ZNF19: variants seen among roughly 807,000 people sequenced by gnomAD.
ZNF19 encodes zinc finger protein 19, also known as zinc finger protein 19 (KOX 12).
Under a neutral mutation model 13.1 loss-of-function variants are expected in ZNF19, and 11 were observed. The ratio of observed to expected loss-of-function variants is 0.84; its 90% CI spans 0.53 to 1.39. The LOEUF (loss-of-function observed/expected upper bound fraction) is 1.39. ZNF19 is among the 40% of genes most tolerant of loss of function. ZNF19 has a pLI of 0.00. For synonymous variants in ZNF19, 186 were observed against 187.0 expected (o/e 0.99, Z 0.04); for missense variants, 560 against 547.0 (o/e 1.02, Z -0.24).
At position 71,475,635 on chromosome 16, in the gene ZNF19, A is replaced by C; in HGVS notation, c.912T>G (p.Asn304Lys). Reference sequence around the variant, plus strand: ...TCCTTCCAAAGCTTTTGCCACACTCATTACACTCATAGGGTTTCTCTCCAG... The same window carrying C: ...TCCTTCCAAAGCTTTTGCCACACTCCTTACACTCATAGGGTTTCTCTCCAG... The part of the protein sequence containing the change: ...IHTGEKPYEC[N>K]ECGKSFGRTS... Residue 304 changes from asparagine (N) to lysine (K), a missense_variant, in exon 6 of 6, where the codon AAT becomes AAG. By Grantham distance (94) the Asn-to-Lys change is moderately conservative (BLOSUM62 0). Transcript: ENST00000288177. 1.2e-6 allele frequency: 2 copies of C among 1,613,966 alleles called. No individual in the cohort carries two copies. The highest frequency in any genetic ancestry group is 1.7e-6 in the Non-Finnish European group (2 of 1,179,988).
At chr16:71,482,216 G>T (rs2043641579) in intron 2 of ZNF19, 73 bp from the exon 3 acceptor site, 7 of 1,459,302 alleles carry the variant, frequency 4.8e-6, no homozygotes. Context: ...CAATAAATTT[G>T]CCAATAGCAA....
In ZNF19 at chr16:71,475,435, TG is replaced by T. The variant is rs1410082839; in HGVS notation, c.1111del (p.Gln371AsnfsTer2). 3 of 1,614,206 alleles carry T rather than the reference TG, an allele frequency of 1.9e-6. No homozygotes were observed. Among genetic ancestry groups the T allele is most frequent in the Admixed American group, 3.3e-5 (2 of 60,022 alleles). ...ATGAATTCTCAGATGCCTTTTTAAT[TG>T]TTCCTGAGCACTGAAGGCTTTTCCA... ...DCGKAFSAQE[Q>X]LKRHLRIHTQ... is the part of the protein sequence containing the mutation. On this transcript the variant is annotated frameshift_variant, in exon 6 of 6. Coordinates refer to ENST00000288177, the MANE Select transcript of ZNF19 (RefSeq NM_006961.4). LOFTEE classifies it low-confidence loss of function (END_TRUNC).
rs1188628155 is a variant in ZNF19, at chr16:71,478,340, C to T, written c.162G>A (p.Gly54=). Residue 54 remains glycine, a splice_region_variant and synonymous_variant, in exon 5 of 6, where the codon GGG becomes GGA. Transcript: ENST00000288177. ...TCAGTGCAGGTTTGGGAACTGGGTA[C>T]CCTGAAAACAGGAAGAAAATGGTAC... ...LENFGNLTAL[G]YPVPKPALIS... The T allele has an allele frequency of 6.2e-7, 1 of 1,610,310 alleles. No homozygotes were observed. Among genetic ancestry groups the T allele is most frequent in the Non-Finnish European group, 8.5e-7 (1 of 1,177,066 alleles).
At position 71,475,739 on chromosome 16, in the gene ZNF19, C is replaced by G. The variant is rs2043597112; in HGVS notation, c.808G>C (p.Glu270Gln). 1 of 1,613,924 alleles carries G rather than the reference C, an allele frequency of 6.2e-7. No individual in the cohort carries two copies. The highest frequency in any genetic ancestry group is 1.7e-5 in the Admixed American group (1 of 60,004). The part of the protein sequence containing the change: ...FVIHQRIHTG[E>Q]KPYECNECGK... ...CACTCATTACACTCATAGGGTTTCT[C>G]CCCAGTGTGGATTCTCTGATGTATA... The change falls in exon 6 of 6, where the codon GAG (glutamate) becomes CAG (glutamine). Residue 270 changes from glutamate to glutamine, a missense_variant. Transcript: ENST00000288177.
At chr16:71,488,497 T>C (rs1482312271) in intron 1 of ZNF19, among the ~76,000 whole-genome samples, 4 of 151,432 alleles carry the variant, frequency 2.6e-5, no homozygotes, top group African/African-American at 9.7e-5. Context: ...AACAAGCTCC[T>C]AAAATTAAAA....
chr16:71,478,820 A>T, intron 4 of ZNF19, 59 bp downstream of exon 4: 3 of 1,589,378 alleles, frequency 1.9e-6, no homozygotes, highest in Middle Eastern at 3.4e-4. Context: ...CCAGGCTGTA[A>T]AAGAAGGAAG....
At chr16:71,485,205 T>C (rs2043668528) in intron 1 of ZNF19, among the ~76,000 whole-genome samples, 1 of 151,976 alleles carries the variant, frequency 6.6e-6, no homozygotes. Flanking sequence ...ATCCCAGCAC[T>C]TTCGGAGGCC....
intron 1 of ZNF19, among the ~76,000 whole-genome samples, chr16:71,486,225 A>G (rs1485241618): frequency 6.6e-6 from 1 of 151,176 alleles, no homozygotes; most frequent in Non-Finnish European, 1.5e-5. Context: ...AAAATTGGCC[A>G]GGTGTGGGCA....
Position 71,476,544 on chromosome 16 carries a change from G to C in ZNF19, c.275-272C>G, listed in dbSNP as rs539123749. 7.9e-5 allele frequency among the ~76,000 whole-genome samples: 12 copies of C among 152,288 alleles called. No individual in the cohort carries two copies. The South Asian group carries it at 2.3e-3, about 29-fold the overall frequency. On this transcript the variant is annotated intron_variant, in intron 5 of 5. Coordinates refer to ENST00000288177, the MANE Select transcript of ZNF19 (RefSeq NM_006961.4). ...TGATGTCTGGTCATCCCTGGCATGA[G>C]CTAGTATCTTTTGAATTGATGCTAC...
chr16:71,483,106 G>A (rs2043648511), intron 2 of ZNF19, among the ~76,000 whole-genome samples: 1 of 152,180 alleles, frequency 6.6e-6, no homozygotes, highest in Non-Finnish European at 1.5e-5. Context: ...GACAAGAATG[G>A]CCAAGAAAAC....
chr16:71,476,294 A>G (rs776360589), intron 5 of ZNF19, 22 bp from the exon 6 acceptor site: 8 of 1,585,902 alleles, frequency 5.0e-6, no homozygotes, highest in African/African-American at 1.4e-5. Context: ...GATAGAAAAC[A>G]CAAATAATGC....
chr16:71,475,375 C>G lies in ZNF19; in HGVS notation c.1172G>C (p.Gly391Ala), dbSNP rs1567568948. The change falls in exon 6 of 6, where the codon GGA becomes GCA. Residue 391 changes from glycine to alanine, a missense_variant. Transcript: ENST00000288177. The stretch of plus-strand genomic sequence containing the variant: ...ATTTCTTTTGCTAGTCAAGGCTTTT[C>G]CACACTCATCACATACATAGGAAGA... The part of the protein sequence containing the change: ...QESSYVCDEC[G>A]KALTSKRNLH... The G allele has an allele frequency of 6.2e-7, 1 of 1,614,024 alleles. No individual in the cohort carries two copies. Among genetic ancestry groups the G allele is most frequent in the Non-Finnish European group, 8.5e-7 (1 of 1,180,010 alleles).
chr16:71,484,466 G>A, intron 2 of ZNF19, 123 bp downstream of exon 2: 1 of 972,566 alleles, frequency 1.0e-6, no homozygotes, highest in Non-Finnish European at 1.2e-6. Flanking sequence ...TCCGCTCCCC[G>A]GTCCCGGAGG....
chr16:71,477,467 TG>T (rs2043610039), intron 5 of ZNF19, among the ~76,000 whole-genome samples: 1 of 152,182 alleles, frequency 6.6e-6, no homozygotes. Flanking sequence ...TCAATTTCAC[TG>T]TTTGCTCTTG....
chr16:71,474,979 G>A lies in ZNF19; in HGVS notation c.*191C>T. ...TTAAAACCAATGGGGGTGGGCGGGG[G>A]GAGAGTATTTGTTCCTATTAGCTCT... is the stretch of plus-strand genomic sequence containing the variant. On this transcript the variant is annotated 3_prime_UTR_variant, in exon 6 of 6. Transcript: ENST00000288177. 3.0e-6 allele frequency: 2 copies of A among 666,812 alleles called. No homozygotes were observed. The highest frequency in any genetic ancestry group is 4.4e-5 in the South Asian group (2 of 45,698). 41.3% of individuals were successfully genotyped at this position (666,812 alleles called of 1,614,324 possible). A position where few individuals can be genotyped will look rare whatever the true frequency, so the allele number is the denominator to read the frequency against.
At chr16:71,483,894 A>C (rs1185392899) in intron 2 of ZNF19, among the ~76,000 whole-genome samples, 2 of 152,262 alleles carry the variant, frequency 1.3e-5, no homozygotes, top group Non-Finnish European at 2.9e-5. Flanking sequence ...TCCACAATTT[A>C]AATCACTGCC....
chr16:71,476,480 C>T (rs547102044), intron 5 of ZNF19, among the ~76,000 whole-genome samples: 3 of 152,286 alleles, frequency 2.0e-5, no homozygotes, highest in South Asian at 4.2e-4. Flanking sequence ...ACACAACACA[C>T]GAGACTGCTT....
intron 1 of ZNF19, among the ~76,000 whole-genome samples, chr16:71,486,843 A>C (rs1171935159): frequency 6.6e-6 from 1 of 152,210 alleles, no homozygotes; most frequent in Non-Finnish European, 1.5e-5. Flanking sequence ...ACAAGTCTCT[A>C]TTGTTAATTT....
At chr16:71,484,193 T>C (rs1597016134) in intron 2 of ZNF19, among the ~76,000 whole-genome samples, 1 of 152,148 alleles carries the variant, frequency 6.6e-6, no homozygotes, top group South Asian at 2.1e-4. Context: ...ACTTTCCCAT[T>C]GGGCGGAAAG....
Sources: gnomAD v4.1 joint callset for allele counts (sites outside exome capture counted in the v4.1 genomes callset) on GRCh38, gnomAD v4.1.1 for gene constraint, MANE v1.5 for transcripts, NCBI Gene and HGNC (gene_info 2026-07-23, HGNC 2026-07-21) for gene names.